Variants in DSCAM observed in about 807,000 individuals in gnomAD.
DSCAM encodes the protein DS cell adhesion molecule.
In DSCAM, 47 loss-of-function variants were observed where a neutral mutation model predicts 217.7. That is an observed-to-expected ratio of 0.22 (90% CI 0.17 to 0.28). The LOEUF (loss-of-function observed/expected upper bound fraction) is 0.28. Ranked by LOEUF, DSCAM falls within the 10% of genes least tolerant of loss-of-function variation. The pLI is 1.00. For synonymous variants in DSCAM, 1,056 were observed against 1,015.3 expected (o/e 1.04, Z -0.76); for missense variants, 2,080 against 2,618.3 (o/e 0.79, Z 4.49).
intron 3 of DSCAM, among the ~76,000 whole-genome samples, chr21:40,439,176 T>G (rs1349612616): frequency 6.6e-6 from 1 of 152,154 alleles, no homozygotes; most frequent in Non-Finnish European, 1.5e-5. Context: ...GGAGCTGTTG[T>G]GAGGATTAAG....
At chr21:40,252,371 A>G (rs1225617271) in intron 11 of DSCAM, among the ~76,000 whole-genome samples, 1 of 152,168 alleles carries the variant, frequency 6.6e-6, no homozygotes, top group Non-Finnish European at 1.5e-5. Context: ...AGCTTAAGTT[A>G]TGAGGAGTAT....
At chr21:40,410,556 T>C (rs1010449922) in intron 3 of DSCAM, among the ~76,000 whole-genome samples, 5 of 151,244 alleles carry the variant, frequency 3.3e-5, no homozygotes, top group South Asian at 2.1e-4. Context: ...CAAGGACATA[T>C]GAAGAAAACA....
intron 3 of DSCAM, among the ~76,000 whole-genome samples, chr21:40,499,353 G>A (rs2076154115): frequency 6.6e-6 from 1 of 152,088 alleles, no homozygotes; most frequent in African/African-American, 2.4e-5. Context: ...CTCTTCACAG[G>A]TTTCTCTCTT....
chr21:40,307,179 A>G (rs2074087214), intron 9 of DSCAM, among the ~76,000 whole-genome samples: 1 of 151,864 alleles, frequency 6.6e-6, no homozygotes, highest in African/African-American at 2.4e-5. Context: ...TTCGCAACCT[A>G]CTCATCTGAC....
chr21:40,189,032 A>G lies in DSCAM; in HGVS notation c.2553+10T>C, dbSNP rs199881211. 1.1e-5 allele frequency: 17 copies of G among 1,613,848 alleles called. No homozygotes were observed. The African/African-American group carries it at 1.3e-4, about 13-fold the overall frequency. Reference sequence around the variant, plus strand: ...TTCATTCCATTGTGTTGTATTTGCCATGCTTTTACCTGCAGAGTAGAAATC... The same window carrying G: ...TTCATTCCATTGTGTTGTATTTGCCGTGCTTTTACCTGCAGAGTAGAAATC... On this transcript the variant is annotated intron_variant, in intron 12 of 32. Coordinates refer to ENST00000400454, the MANE Select transcript of DSCAM (RefSeq NM_001389.5).
At chr21:40,154,063 A>G (rs138826659) in intron 16 of DSCAM, among the ~76,000 whole-genome samples, 1 of 152,238 alleles carries the variant, frequency 6.6e-6, no homozygotes, top group Non-Finnish European at 1.5e-5. Flanking sequence ...CCAGCTGGCT[A>G]TCTTGGTCCA....
intron 9 of DSCAM, among the ~76,000 whole-genome samples, chr21:40,297,265 A>C (rs760144792): frequency 6.6e-6 from 1 of 152,202 alleles, no homozygotes; most frequent in Non-Finnish European, 1.5e-5. Context: ...TCCCCAAAGA[A>C]AGCATATTTT....
intron 11 of DSCAM, among the ~76,000 whole-genome samples, chr21:40,213,189 T>C (rs1029620229): frequency 3.3e-5 from 5 of 152,254 alleles, no homozygotes; most frequent in Non-Finnish European, 7.3e-5. Flanking sequence ...CTTTTACTTA[T>C]TATTTCACAT....
At position 40,093,424 on chromosome 21, in the gene DSCAM, T is replaced by C. The variant is rs185575281; in HGVS notation, c.3850+297A>G. Among the ~76,000 whole-genome samples the C allele has an allele frequency of 3.0e-3, 463 of 152,228 alleles. 5 individuals carry two copies. Among genetic ancestry groups the C allele is most frequent in the African/African-American group, 0.011 (442 of 41,530 alleles). On this transcript the variant is annotated intron_variant, in intron 21 of 32. Coordinates refer to ENST00000400454, the MANE Select transcript of DSCAM (RefSeq NM_001389.5). ...TGAAAGTAGAACATCCTTGGGAAAA[T>C]GCCGTGTAATGATTTTCAGCTACTC... is the stretch of plus-strand genomic sequence containing the variant.
At chr21:40,742,231 A>G (rs2091131204) in intron 1 of DSCAM, among the ~76,000 whole-genome samples, 1 of 152,226 alleles carries the variant, frequency 6.6e-6, no homozygotes, top group Admixed American at 6.5e-5. Context: ...AGGACAGTGA[A>G]TTGATTTCTG....
chr21:40,503,621 A>G (rs1260299755), intron 3 of DSCAM, among the ~76,000 whole-genome samples: 3 of 152,212 alleles, frequency 2.0e-5, no homozygotes, highest in Admixed American at 2.0e-4. Flanking sequence ...ACCTTACCTC[A>G]GGTAGCTACA....
chr21:40,427,160 C>A (rs2075482475), intron 3 of DSCAM, among the ~76,000 whole-genome samples: 1 of 152,206 alleles, frequency 6.6e-6, no homozygotes, highest in Admixed American at 6.5e-5. Flanking sequence ...GCCCAGCTGA[C>A]TGCTGCTCTG....
chr21:40,066,579 C>T (rs1168661935), intron 27 of DSCAM, among the ~76,000 whole-genome samples: 2 of 152,212 alleles, frequency 1.3e-5, no homozygotes, highest in East Asian at 3.8e-4. Flanking sequence ...GAGCACAATG[C>T]TCATTATACG....
At chr21:40,714,464 G>T (rs914669207) in intron 1 of DSCAM, among the ~76,000 whole-genome samples, 3 of 152,142 alleles carry the variant, frequency 2.0e-5, no homozygotes, top group African/African-American at 4.8e-5. Flanking sequence ...TGAGGGACAT[G>T]GAATTAAAGG....
At chr21:40,675,651 G>A (rs910328784) in intron 3 of DSCAM, among the ~76,000 whole-genome samples, 3 of 151,950 alleles carry the variant, frequency 2.0e-5, no homozygotes, top group South Asian at 2.1e-4. Flanking sequence ...AATTCAGGTC[G>A]TATATGTTAG....
At chr21:40,760,501 C>A (rs953390274) in intron 1 of DSCAM, among the ~76,000 whole-genome samples, 1 of 152,230 alleles carries the variant, frequency 6.6e-6, no homozygotes, top group Non-Finnish European at 1.5e-5. Flanking sequence ...GAGACACTGT[C>A]TTTCTATCCA....
At chr21:40,115,636 T>C (rs1262945954) in intron 20 of DSCAM, among the ~76,000 whole-genome samples, 1 of 152,086 alleles carries the variant, frequency 6.6e-6, no homozygotes, top group Non-Finnish European at 1.5e-5. Flanking sequence ...TGACTATTAT[T>C]AGAAAGCCAA....
intron 3 of DSCAM, among the ~76,000 whole-genome samples, chr21:40,397,337 T>C (rs1392596753): frequency 1.3e-5 from 2 of 151,998 alleles, no homozygotes; most frequent in African/African-American, 4.8e-5. Flanking sequence ...GAGTGTGCTC[T>C]TGCTCTGAGT....
At chr21:40,727,045 T>A (rs1375544728) in intron 1 of DSCAM, among the ~76,000 whole-genome samples, 1 of 152,238 alleles carries the variant, frequency 6.6e-6, no homozygotes, top group East Asian at 1.9e-4. Flanking sequence ...AATCAATATA[T>A]CATTTCTCTA....
Sources: allele counts gnomAD v4.1 joint callset (sites outside exome capture counted in the v4.1 genomes callset), GRCh38; gene constraint gnomAD v4.1.1; transcripts MANE v1.5; gene names NCBI Gene and HGNC (gene_info 2026-07-23, HGNC 2026-07-21).